The following VEPH1 variants were observed in gnomAD, a reference collection of about 807,000 sequenced individuals.
The protein encoded by VEPH1 is ventricular zone-expressed PH domain-containing protein homolog 1.
A neutral mutation model predicts 85.2 loss-of-function variants in VEPH1; 80 were observed. That is an observed-to-expected ratio of 0.94 (90% CI 0.78 to 1.13). The LOEUF (loss-of-function observed/expected upper bound fraction) is 1.13. VEPH1 is among the 50% of genes most tolerant of loss of function. The probability of loss-of-function intolerance (pLI) is 0.00; values close to 1 mark genes in which losing one functional copy is unlikely to be tolerated. For synonymous variants in VEPH1, 297 were observed against 348.0 expected (o/e 0.85, Z 1.63); for missense variants, 955 against 980.5 (o/e 0.97, Z 0.35).
chr3:157,377,137 A>G (rs1487839392), intron 7 of VEPH1, among the ~76,000 whole-genome samples: 6 of 152,144 alleles, frequency 3.9e-5, no homozygotes, highest in Admixed American at 3.9e-4. Context: ...CTGAATAATT[A>G]CAATCGATTA....
intron 13 of VEPH1, among the ~76,000 whole-genome samples, chr3:157,263,734 C>T (rs1371172645): frequency 1.3e-5 from 2 of 152,104 alleles, no homozygotes; most frequent in African/African-American, 4.8e-5. Flanking sequence ...CTTTTTCATT[C>T]AAAAAGTTAA....
At chr3:157,415,438 A>T (rs889884241) in intron 5 of VEPH1, among the ~76,000 whole-genome samples, 3 of 152,164 alleles carry the variant, frequency 2.0e-5, no homozygotes, top group Non-Finnish European at 2.9e-5. Flanking sequence ...GCTCTAATTT[A>T]GGCAAAGGTT....
At chr3:157,452,010 C>A (rs1577690904) in intron 4 of VEPH1, among the ~76,000 whole-genome samples, 1 of 152,092 alleles carries the variant, frequency 6.6e-6, no homozygotes, top group Non-Finnish European at 1.5e-5. Context: ...TATACTAAGA[C>A]AATTTATATT....
At chr3:157,267,772 A>G (rs985800095) in intron 12 of VEPH1, among the ~76,000 whole-genome samples, 7 of 152,206 alleles carry the variant, frequency 4.6e-5, no homozygotes, top group Non-Finnish European at 1.0e-4. Flanking sequence ...CGTCTCAAAA[A>G]CCAAACAAAC....
chr3:157,482,882 C>A (rs544003215), intron 2 of VEPH1, among the ~76,000 whole-genome samples: 3 of 151,868 alleles, frequency 2.0e-5, no homozygotes, highest in Admixed American at 6.6e-5. Context: ...GTTCTAGGAC[C>A]CTTTTGGTGG....
At chr3:157,408,327 T>C (rs1002733712) in intron 6 of VEPH1, among the ~76,000 whole-genome samples, 2 of 152,136 alleles carry the variant, frequency 1.3e-5, no homozygotes, top group Non-Finnish European at 2.9e-5. Context: ...CAGAGATAGA[T>C]TGTATAAGCT....
At chr3:157,381,502 G>A (rs770954099) in intron 6 of VEPH1, 126 bp from the exon 7 acceptor site, 23 of 886,154 alleles carry the variant, frequency 2.6e-5, no homozygotes, top group South Asian at 5.0e-5. Flanking sequence ...ACTCCTGATC[G>A]AGAACAGGAG....
chr3:157,440,591 C>CAT (rs1034695470), intron 4 of VEPH1, among the ~76,000 whole-genome samples: 1 of 151,942 alleles, frequency 6.6e-6, no homozygotes, highest in South Asian at 2.1e-4. Flanking sequence ...CACATACACA[C>CAT]ATATATATAC....
chr3:157,354,628 C>G (rs954125004), intron 9 of VEPH1, among the ~76,000 whole-genome samples: 3 of 152,126 alleles, frequency 2.0e-5, no homozygotes, highest in African/African-American at 4.8e-5. Flanking sequence ...CTTTATCCCC[C>G]CTCCAACTTG....
chr3:157,485,783 G>A (rs541378224), intron 2 of VEPH1, among the ~76,000 whole-genome samples: 1 of 151,902 alleles, frequency 6.6e-6, no homozygotes, highest in South Asian at 2.1e-4. Flanking sequence ...AAGTCATCAT[G>A]ACATAGAAAG....
chr3:157,500,717 T>A (rs1377047829), intron 1 of VEPH1, among the ~76,000 whole-genome samples: 1 of 152,244 alleles, frequency 6.6e-6, no homozygotes, highest in Non-Finnish European at 1.5e-5. Context: ...TTTTAATCCC[T>A]AGATTTTTAT....
In VEPH1 at chr3:157,364,389, A is replaced by G. The variant is rs1726403253; in HGVS notation, c.1251T>C (p.Asn417=). The part of the protein sequence containing the change: ...VKIQAFEDKI[N]AGSNTPGSIR... ...TAGAGCCAGGGGTATTGCTCCCTGC[A>G]TTTATCTTGTCTTCAAAAGCCTGGA... is the stretch of plus-strand genomic sequence containing the variant. The change falls in exon 8 of 14, where the codon AAT becomes AAC. Residue 417 remains asparagine, a synonymous_variant. Coordinates refer to ENST00000362010, the MANE Select transcript of VEPH1 (RefSeq NM_001167912.2). 3 of 1,613,880 alleles carry G rather than the reference A, an allele frequency of 1.9e-6. No individual in the cohort carries two copies. Among genetic ancestry groups the G allele is most frequent in the South Asian group, 2.2e-5 (2 of 91,080 alleles).
intron 11 of VEPH1, among the ~76,000 whole-genome samples, chr3:157,307,942 C>G (rs1011713998): frequency 6.6e-6 from 1 of 151,280 alleles, no homozygotes; most frequent in African/African-American, 2.4e-5. Flanking sequence ...TTCCTAGGTC[C>G]TTTATAGTCT....
chr3:157,362,256 C>G (rs1166156566), intron 9 of VEPH1, among the ~76,000 whole-genome samples: 1 of 152,122 alleles, frequency 6.6e-6, no homozygotes, highest in Non-Finnish European at 1.5e-5. Context: ...CTCTTGAACT[C>G]CTGACCTCAG....
At chr3:157,419,630 T>A (rs1053990558) in intron 5 of VEPH1, among the ~76,000 whole-genome samples, 14 of 152,180 alleles carry the variant, frequency 9.2e-5, no homozygotes, top group Non-Finnish European at 2.1e-4. Flanking sequence ...AGATGCTGTC[T>A]CACGCCAGTC....
intron 4 of VEPH1, among the ~76,000 whole-genome samples, chr3:157,435,540 A>G (rs1733500320): frequency 2.0e-5 from 3 of 152,292 alleles, no homozygotes; most frequent in East Asian, 3.9e-4. Context: ...GGCTTTCATG[A>G]GGATCTCCCT....
intron 5 of VEPH1, among the ~76,000 whole-genome samples, 180 bp from the exon 6 acceptor site, chr3:157,414,270 A>T (rs1345110249): frequency 1.3e-5 from 2 of 152,198 alleles, no homozygotes; most frequent in Non-Finnish European, 2.9e-5. Flanking sequence ...TAAAATTTAC[A>T]ATAAAATCTT....
intron 6 of VEPH1, among the ~76,000 whole-genome samples, chr3:157,382,174 G>A (rs927811374): frequency 1.3e-5 from 2 of 152,152 alleles, no homozygotes; most frequent in Admixed American, 6.5e-5. Context: ...GCATCTTTCA[G>A]TGTATTACAG....
intron 6 of VEPH1, among the ~76,000 whole-genome samples, chr3:157,396,961 T>G (rs896511100): frequency 1.3e-5 from 2 of 152,234 alleles, no homozygotes; most frequent in Non-Finnish European, 2.9e-5. Flanking sequence ...TTTGTCAATT[T>G]TTGCTTTTGT....
Sources: gnomAD v4.1 joint callset for allele counts (sites outside exome capture counted in the v4.1 genomes callset) on GRCh38, gnomAD v4.1.1 for gene constraint, MANE v1.5 for transcripts, NCBI Gene and HGNC (gene_info 2026-07-23, HGNC 2026-07-21) for gene names.